THEMIS: variants seen among roughly 807,000 people sequenced by gnomAD.
The protein encoded by THEMIS is protein THEMIS.
A neutral mutation model predicts 52.6 loss-of-function variants in THEMIS; 37 were observed. The observed-to-expected ratio is 0.70, with a 90% confidence interval of 0.54 to 0.93. The LOEUF (loss-of-function observed/expected upper bound fraction) is 0.93. Among genes scored for constraint, THEMIS ranks in the 40% least tolerant of loss-of-function variants. THEMIS has a pLI of 0.00. For synonymous variants in THEMIS, 292 were observed against 272.7 expected (o/e 1.07, Z -0.70); for missense variants, 808 against 763.1 (o/e 1.06, Z -0.69).
chr6:127,764,424 G>T (rs1222319270), intron 4 of THEMIS, among the ~76,000 whole-genome samples: 3 of 151,800 alleles, frequency 2.0e-5, no homozygotes, highest in African/African-American at 7.3e-5. Flanking sequence ...ATGCATGTCT[G>T]CAGCAGACTC....
intron 4 of THEMIS, among the ~76,000 whole-genome samples, chr6:127,758,752 G>T (rs889885123): frequency 2.0e-5 from 3 of 151,964 alleles, no homozygotes; most frequent in South Asian, 4.1e-4. Flanking sequence ...ACGAACTACA[G>T]GTGATACAGG....
chr6:127,849,537 A>C (rs1779347502), intron 2 of THEMIS, among the ~76,000 whole-genome samples: 1 of 151,996 alleles, frequency 6.6e-6, no homozygotes, highest in Non-Finnish European at 1.5e-5. Context: ...TACTTGTATG[A>C]AAATATGCAC....
At chr6:127,735,453 T>C (rs1051240473) in intron 4 of THEMIS, among the ~76,000 whole-genome samples, 6 of 152,142 alleles carry the variant, frequency 3.9e-5, no homozygotes, top group Non-Finnish European at 5.9e-5. Context: ...AGAGAATCCA[T>C]AGTTAGCAGA....
chr6:127,865,937 G>A (rs1779958431), intron 1 of THEMIS, among the ~76,000 whole-genome samples: 1 of 152,012 alleles, frequency 6.6e-6, no homozygotes, highest in African/African-American at 2.4e-5. Context: ...AATTGTATCA[G>A]TCTCATATTA....
At chr6:127,775,793 CTT>C (rs1450080991) in intron 4 of THEMIS, among the ~76,000 whole-genome samples, 2 of 152,044 alleles carry the variant, frequency 1.3e-5, no homozygotes, top group Non-Finnish European at 2.9e-5. Context: ...GTCATTTATG[CTT>C]TTTTGTAAAA....
chr6:127,899,141 A>G (rs1040480917), intron 1 of THEMIS, among the ~76,000 whole-genome samples: 2 of 151,910 alleles, frequency 1.3e-5, no homozygotes, highest in African/African-American at 4.8e-5. Flanking sequence ...TAACATGAAG[A>G]AATGGTAAAA....
chr6:127,738,005 G>C (rs926863366), intron 4 of THEMIS, among the ~76,000 whole-genome samples: 1 of 152,058 alleles, frequency 6.6e-6, no homozygotes, highest in Non-Finnish European at 1.5e-5. Context: ...GATACATCTG[G>C]AGTGGGCCTC....
intron 4 of THEMIS, among the ~76,000 whole-genome samples, chr6:127,774,958 C>G (rs892723726): frequency 2.0e-5 from 3 of 152,134 alleles, no homozygotes; most frequent in Non-Finnish European, 2.9e-5. Context: ...GAGACATGAT[C>G]AAGAGAACCA....
downstream of THEMIS, among the ~76,000 whole-genome samples, chr6:127,704,276 G>A (rs535906867): frequency 6.6e-5 from 10 of 152,244 alleles, no homozygotes; most frequent in East Asian, 9.7e-4. Context: ...ATGAGGTAAC[G>A]CAAATGACTG....
At chr6:127,788,636 C>A (rs1213591819) in intron 4 of THEMIS, among the ~76,000 whole-genome samples, 1 of 151,912 alleles carries the variant, frequency 6.6e-6, no homozygotes, top group Non-Finnish European at 1.5e-5. Context: ...ACATTTTAGC[C>A]CCATATATTT....
chr6:127,783,494 A>G (rs1291562315), intron 4 of THEMIS, among the ~76,000 whole-genome samples: 1 of 152,248 alleles, frequency 6.6e-6, no homozygotes, highest in South Asian at 2.1e-4. Flanking sequence ...CATCTGACAA[A>G]GAGCTAATAT....
At chr6:127,832,985 T>C (rs1202189822) in intron 2 of THEMIS, among the ~76,000 whole-genome samples, 2 of 151,970 alleles carry the variant, frequency 1.3e-5, no homozygotes, top group African/African-American at 4.8e-5. Flanking sequence ...GGTTTCGCCA[T>C]GTTGGCCAAG....
Position 127,855,187 on chromosome 6 carries a change from G to A in THEMIS, c.93C>T (p.Gly31=). Residue 31 remains glycine, a splice_region_variant and synonymous_variant, in exon 2 of 6, where the codon GGC becomes GGT. Transcript: ENST00000368248. ...CATTTCCAAACATTTCATAAATAGA[G>A]CCTAAAAGGAAAGAAAAGTTAAAAC... ...LEIQAGIYLE[G]SIYEMFGNEC... 2.5e-6 allele frequency: 4 copies of A among 1,578,172 alleles called. No individual in the cohort carries two copies. Among genetic ancestry groups the A allele is most frequent in the African/African-American group, 1.4e-5 (1 of 72,620 alleles).
intron 1 of THEMIS, among the ~76,000 whole-genome samples, chr6:127,914,962 T>C (rs1237113799): frequency 6.6e-6 from 1 of 152,226 alleles, no homozygotes. Flanking sequence ...ATTTTACACA[T>C]TACTAGTGAA....
intron 2 of THEMIS, among the ~76,000 whole-genome samples, chr6:127,850,960 A>G (rs973526796): frequency 1.1e-4 from 17 of 151,762 alleles, no homozygotes; most frequent in Admixed American, 8.6e-4. Flanking sequence ...GAAAAACTTA[A>G]ATTAGCTATT....
intron 5 of THEMIS, among the ~76,000 whole-genome samples, chr6:127,716,674 C>T (rs1023796070): frequency 1.3e-5 from 2 of 151,900 alleles, no homozygotes; most frequent in African/African-American, 4.8e-5. Flanking sequence ...ATCAACTTTC[C>T]ACATGTAAAT....
At chr6:127,751,238 A>C (rs1252369923) in intron 4 of THEMIS, among the ~76,000 whole-genome samples, 1 of 151,814 alleles carries the variant, frequency 6.6e-6, no homozygotes, top group Non-Finnish European at 1.5e-5. Flanking sequence ...GGAAGAAGTA[A>C]AAATGTAGAG....
intron 2 of THEMIS, among the ~76,000 whole-genome samples, chr6:127,846,610 G>A (rs1203114220): frequency 1.3e-5 from 2 of 151,898 alleles, no homozygotes; most frequent in African/African-American, 4.8e-5. Context: ...ACCATGAGCA[G>A]ACCAATAACA....
chr6:127,810,610 T>G (rs1258956290), intron 4 of THEMIS, among the ~76,000 whole-genome samples: 1 of 152,184 alleles, frequency 6.6e-6, no homozygotes, highest in African/African-American at 2.4e-5. Context: ...ATCTTGGACT[T>G]TCCAGCCTCC....
Sources: gnomAD v4.1 joint callset for allele counts (sites outside exome capture counted in the v4.1 genomes callset) on GRCh38, gnomAD v4.1.1 for gene constraint, MANE v1.5 for transcripts, NCBI Gene and HGNC (gene_info 2026-07-23, HGNC 2026-07-21) for gene names.